Variants in RTN4 observed in about 807,000 individuals in gnomAD.
RTN4 encodes the protein reticulon 4, also known as reticulon-4.
Under a neutral mutation model 90.4 loss-of-function variants are expected in RTN4, and 32 were observed. The ratio of observed to expected loss-of-function variants is 0.35; its 90% CI spans 0.27 to 0.48. RTN4 has a LOEUF of 0.48. Among genes scored for constraint, RTN4 ranks in the 20% least tolerant of loss-of-function variants. The pLI is 0.99. For synonymous variants in RTN4, 629 were observed against 552.5 expected, an observed-to-expected ratio of 1.14 and a Z score of -1.94; for missense variants, 1,706 against 1,430.2, an observed-to-expected ratio of 1.19 and a Z score of -3.11.
intron 3 of RTN4, among the ~76,000 whole-genome samples, chr2:55,013,491 G>C (rs1355346727): frequency 1.3e-5 from 2 of 151,080 alleles, no homozygotes; most frequent in Non-Finnish European, 2.9e-5. Context: ...CCAAACCCTC[G>C]TTTCCTTCAT....
Position 55,059,500 on chromosome 2 carries a change from C to T in RTN4, c.-63+20989G>A, listed in dbSNP as rs140747276. 7.5e-3 allele frequency among the ~76,000 whole-genome samples: 1,143 copies of T among 152,056 alleles called. 10 individuals carry two copies. Among genetic ancestry groups the T allele is most frequent in the Middle Eastern group, 0.027 (8 of 294 alleles). Reference sequence around the variant, plus strand: ...TCCGGAGTAGATGGGACTACAAGTACGCACCACCACACCTGGCTAATTTTT... The same window carrying T: ...TCCGGAGTAGATGGGACTACAAGTATGCACCACCACACCTGGCTAATTTTT... On this transcript the variant is annotated intron_variant, in intron 2 of 3. Transcript: ENST00000427710.
chr2:55,079,605 T>C (rs1446748035), intron 2 of RTN4, among the ~76,000 whole-genome samples: 1 of 152,222 alleles, frequency 6.6e-6, no homozygotes, highest in Non-Finnish European at 1.5e-5. Flanking sequence ...GAAACCTCCA[T>C]CTTTTAATGT....
chr2:55,069,278 A>AC (rs901638548), intron 2 of RTN4, among the ~76,000 whole-genome samples: 7 of 152,214 alleles, frequency 4.6e-5, no homozygotes, highest in Non-Finnish European at 8.8e-5. Context: ...GAAAGTTCTA[A>AC]CCTTTATCAG....
At chr2:55,124,314 G>C in the RTN4 span, among the ~76,000 whole-genome samples, 1 of 152,204 alleles carries the variant, frequency 6.6e-6, no homozygotes, top group African/African-American at 2.4e-5. Context: ...CTCCTGGTTT[G>C]TTACCTAGAA....
At chr2:54,987,866 C>T (rs753912076) in intron 3 of RTN4, among the ~76,000 whole-genome samples, 168 bp from the exon 4 acceptor site, 20 of 152,202 alleles carry the variant, frequency 1.3e-4, no homozygotes, top group Non-Finnish European at 2.1e-4. Context: ...TTTAAACCCA[C>T]TCTTAGTTGT....
chr2:55,066,324 G>A (rs2105010576), intron 2 of RTN4, among the ~76,000 whole-genome samples: 1 of 152,226 alleles, frequency 6.6e-6, no homozygotes, highest in Non-Finnish European at 1.5e-5. Flanking sequence ...CAACTGGGAT[G>A]TGGGACTGAG....
chr2:54,996,286 C>T (rs59856463), intron 3 of RTN4, among the ~76,000 whole-genome samples: 2,989 of 152,200 alleles, frequency 0.02, 104 homozygotes, highest in African/African-American at 0.069. Context: ...ATCTAAAATA[C>T]AAACACTATC....
chr2:55,016,947 A>G (rs1489958873), intron 3 of RTN4, among the ~76,000 whole-genome samples: 1 of 152,236 alleles, frequency 6.6e-6, no homozygotes, highest in Non-Finnish European at 1.5e-5. Flanking sequence ...CATTATATTT[A>G]GCAGGTATCT....
intron 3 of RTN4, among the ~76,000 whole-genome samples, chr2:55,021,986 T>A (rs1039704324): frequency 6.6e-6 from 1 of 152,202 alleles, no homozygotes; most frequent in Non-Finnish European, 1.5e-5. Context: ...TAAAAGAGAA[T>A]GCCCAAGCAT....
chr2:54,973,373 G>T, intron 8 of RTN4, 175 bp from the exon 9 acceptor site: 1 of 754,938 alleles, frequency 1.3e-6, no homozygotes, highest in Non-Finnish European at 2.2e-6. Context: ...TTTAAACAAA[G>T]CCTTAAACAC....
At chr2:55,130,982 AG>A in the RTN4 span, among the ~76,000 whole-genome samples, 1 of 152,224 alleles carries the variant, frequency 6.6e-6, no homozygotes, top group Non-Finnish European at 1.5e-5. Context: ...GTCATGCAAA[AG>A]TCCTGGGCCC....
chr2:55,024,887 T>C (rs538872342), intron 3 of RTN4, among the ~76,000 whole-genome samples, 199 bp downstream of exon 3: 38 of 152,292 alleles, frequency 2.5e-4, no homozygotes, highest in African/African-American at 8.4e-4. Flanking sequence ...TGTAACTGTG[T>C]GGAAAAGTTA....
Position 55,027,462 on chromosome 2 carries a change from G to A in RTN4, c.637C>T (p.Pro213Ser). Residue 213 changes from proline (P) to serine (S), a missense_variant, in exon 3 of 9, where the codon CCA becomes TCA. Physicochemically the swap from Pro to Ser is moderately conservative, Grantham distance 74. Transcript: ENST00000337526. ...TGACCAGCCGAAATAGTGTTACCTGGCTGCTCCTTCAAGTCCATATTTTCT... is the reference window on the plus strand; with the variant it reads ...TGACCAGCCGAAATAGTGTTACCTGACTGCTCCTTCAAGTCCATATTTTCT... Reference protein sequence around the residue: ...SAENMDLKEQPGNTISAGQED... With the variant: ...SAENMDLKEQSGNTISAGQED... 1 of 1,609,256 alleles carries A rather than the reference G, an allele frequency of 6.2e-7. No individual in the cohort carries two copies. Among genetic ancestry groups the A allele is most frequent in the Non-Finnish European group, 8.5e-7 (1 of 1,177,846 alleles).
intron 7 of RTN4, 26 bp from the exon 8 acceptor site, chr2:54,973,647 T>C: frequency 6.3e-7 from 1 of 1,580,872 alleles, no homozygotes; most frequent in South Asian, 1.1e-5. Flanking sequence ...AAAGGAATTA[T>C]TACCGTTGCT....
At chr2:55,065,274 G>T (rs1668370121) in intron 2 of RTN4, among the ~76,000 whole-genome samples, 1 of 152,058 alleles carries the variant, frequency 6.6e-6, no homozygotes, top group African/African-American at 2.4e-5. Context: ...ATAACTAAAA[G>T]CTTTCTTAAA....
At chr2:55,128,025 T>A in the RTN4 span, among the ~76,000 whole-genome samples, 1 of 152,042 alleles carries the variant, frequency 6.6e-6, no homozygotes, top group African/African-American at 2.4e-5. Context: ...TTTTCTTCCA[T>A]GCCTGGCTAA....
chr2:54,998,674 T>A, intron 3 of RTN4, among the ~76,000 whole-genome samples: 1 of 152,182 alleles, frequency 6.6e-6, no homozygotes, highest in East Asian at 1.9e-4. Flanking sequence ...CCTACATCAT[T>A]AATGCTTGCT....
intron 3 of RTN4, 61 bp from the exon 4 acceptor site, chr2:54,987,759 A>G: frequency 7.1e-7 from 1 of 1,412,640 alleles, no homozygotes. Flanking sequence ...GATTTGCTCC[A>G]TCTATGAAAA....
At chr2:55,126,311 A>C in the RTN4 span, among the ~76,000 whole-genome samples, 1 of 151,854 alleles carries the variant, frequency 6.6e-6, no homozygotes, top group East Asian at 1.9e-4. Context: ...AGAGGTTATG[A>C]TGAGCCGAGA....
Sources: gnomAD v4.1 joint callset for allele counts (sites outside exome capture counted in the v4.1 genomes callset) on GRCh38, gnomAD v4.1.1 for gene constraint, MANE v1.5 for transcripts, NCBI Gene and HGNC (gene_info 2026-07-23, HGNC 2026-07-21) for gene names.